CPVL: variants seen among roughly 807,000 people sequenced by gnomAD.
The protein encoded by CPVL is probable serine carboxypeptidase CPVL.
A neutral mutation model predicts 63.7 loss-of-function variants in CPVL; 51 were observed. The observed-to-expected ratio is 0.80, with a 90% CI of 0.64 to 1.01. CPVL has a LOEUF of 1.01. Among genes scored for constraint, CPVL ranks in the 50% least tolerant of loss-of-function variants. CPVL has a pLI of 0.00. For missense variants in CPVL, 530 were observed against 573.1 expected, an observed-to-expected ratio of 0.92 and a Z score of 0.77; for synonymous variants, 195 against 206.0, an observed-to-expected ratio of 0.95 and a Z score of 0.46.
intron 5 of CPVL, among the ~76,000 whole-genome samples, chr7:29,171,934 G>A (rs1429955825): frequency 6.6e-6 from 1 of 152,170 alleles, no homozygotes; most frequent in Non-Finnish European, 1.5e-5. Flanking sequence ...TGACTTTAAA[G>A]AACAATCCAG....
chr7:29,075,891 A>G (rs1422213984), intron 7 of CPVL, among the ~76,000 whole-genome samples: 6 of 151,338 alleles, frequency 4.0e-5, no homozygotes, highest in African/African-American at 1.5e-4. Context: ...AATTATTTTT[A>G]TGGAAAACAG....
chr7:29,136,390 A>G (rs2128664525), intron 1 of CPVL, among the ~76,000 whole-genome samples: 1 of 152,368 alleles, frequency 6.6e-6, no homozygotes, highest in Non-Finnish European at 1.5e-5. Context: ...TTACATAATA[A>G]GGTAAATATT....
chr7:29,116,240 A>G (rs1788768205), intron 2 of CPVL, among the ~76,000 whole-genome samples: 1 of 152,244 alleles, frequency 6.6e-6, no homozygotes, highest in Non-Finnish European at 1.5e-5. Flanking sequence ...AGAAATTTAG[A>G]ACTTTTCTCT....
intron 11 of CPVL, among the ~76,000 whole-genome samples, chr7:29,043,791 A>G (rs1301735771): frequency 6.6e-6 from 1 of 152,172 alleles, no homozygotes; most frequent in African/African-American, 2.4e-5. Context: ...ATCCAACGAA[A>G]AAGCCCTAGG....
intron 6 of CPVL, among the ~76,000 whole-genome samples, chr7:29,092,269 A>C (rs1785894186): frequency 6.6e-6 from 1 of 151,844 alleles, no homozygotes; most frequent in Admixed American, 6.6e-5. Flanking sequence ...AGCCTGGAAA[A>C]GTCATGAAAT....
intron 6 of CPVL, among the ~76,000 whole-genome samples, chr7:29,091,803 G>C (rs6947981): frequency 0.17 from 25,218 of 152,206 alleles, 5,706 homozygotes; most frequent in African/African-American, 0.52. Context: ...GCCTCAGAGA[G>C]AAAGAAAAGT....
chr7:29,124,183 T>C (rs952487020), intron 1 of CPVL, among the ~76,000 whole-genome samples: 2 of 152,156 alleles, frequency 1.3e-5, no homozygotes, highest in Non-Finnish European at 2.9e-5. Context: ...TAAATTAGCA[T>C]GAGTCCTTTT....
At chr7:29,097,185 G>A (rs1033436752) in intron 3 of CPVL, among the ~76,000 whole-genome samples, 10 of 152,086 alleles carry the variant, frequency 6.6e-5, no homozygotes, top group African/African-American at 9.7e-5. Context: ...TTGGCAGGGC[G>A]GTGATGTTGA....
At chr7:29,016,528 T>C (rs1221769764) in intron 12 of CPVL, among the ~76,000 whole-genome samples, 1 of 152,124 alleles carries the variant, frequency 6.6e-6, no homozygotes, top group East Asian at 1.9e-4. Flanking sequence ...TTCCCTTTGG[T>C]TTCCCTAGAT....
In CPVL at chr7:29,092,513, T is replaced by C. The variant is rs533581381; in HGVS notation, c.542+110A>G. 3.8e-5 allele frequency: 26 copies of C among 691,784 alleles called. No individual in the cohort carries two copies. The East Asian group carries it at 6.2e-4, about 16-fold the overall frequency. The allele number at this position is 691,784 out of a possible 1,614,324, so 42.9% of individuals were successfully genotyped here. A position where few individuals can be genotyped will look rare whatever the true frequency, so the allele number is the denominator to read the frequency against. ...AATATCCTTAAATTATCTTCAGGAA[T>C]TGGACTATAAGGCTCAGTCAATAAA... On this transcript the variant is annotated intron_variant, in intron 6 of 12. Transcript: ENST00000265394.
intron 11 of CPVL, among the ~76,000 whole-genome samples, chr7:29,050,743 T>A (rs1446413975): frequency 6.6e-6 from 1 of 151,620 alleles, no homozygotes; most frequent in Non-Finnish European, 1.5e-5. Flanking sequence ...GAAAAGCCAA[T>A]TCTAAAATTC....
chr7:29,052,036 G>A (rs910099373), intron 11 of CPVL, among the ~76,000 whole-genome samples: 2 of 151,736 alleles, frequency 1.3e-5, no homozygotes, highest in South Asian at 2.1e-4. Context: ...ACTATCAAGC[G>A]AAGTAACTCA....
chr7:29,161,190 C>T (rs1277083262), intron 5 of CPVL, among the ~76,000 whole-genome samples: 6 of 152,228 alleles, frequency 3.9e-5, no homozygotes, highest in Non-Finnish European at 8.8e-5. Flanking sequence ...CAACATTAGC[C>T]TTGACCAGGC....
chr7:29,035,555 G>C (rs1039599889), intron 11 of CPVL, among the ~76,000 whole-genome samples: 1 of 152,164 alleles, frequency 6.6e-6, no homozygotes, highest in Non-Finnish European at 1.5e-5. Flanking sequence ...GTGTGTGAGG[G>C]CATTACTCAC....
At chr7:29,141,243 G>A (rs918633729) in intron 1 of CPVL, among the ~76,000 whole-genome samples, 1 of 152,182 alleles carries the variant, frequency 6.6e-6, no homozygotes, top group African/African-American at 2.4e-5. Flanking sequence ...GGTGGGAATA[G>A]CATGAAAGAT....
chr7:29,034,180 C>G (rs2128157291), intron 11 of CPVL, among the ~76,000 whole-genome samples: 1 of 152,334 alleles, frequency 6.6e-6, no homozygotes, highest in Middle Eastern at 3.4e-3. Flanking sequence ...TCTTGGCTCA[C>G]TGCAACCTCC....
intron 3 of CPVL, among the ~76,000 whole-genome samples, chr7:29,112,383 A>G (rs944467722): frequency 2.6e-5 from 4 of 152,124 alleles, no homozygotes; most frequent in Non-Finnish European, 4.4e-5. Flanking sequence ...TCCCTGCCCT[A>G]AGTATTTTTA....
At chr7:29,053,370 G>A (rs1790392121) in intron 11 of CPVL, among the ~76,000 whole-genome samples, 1 of 152,162 alleles carries the variant, frequency 6.6e-6, no homozygotes, top group South Asian at 2.1e-4. Context: ...ATGAATGGAT[G>A]AATAGAATGT....
intron 3 of CPVL, among the ~76,000 whole-genome samples, chr7:29,110,063 C>T (rs1788103496): frequency 1.3e-5 from 2 of 152,228 alleles, no homozygotes; most frequent in South Asian, 4.1e-4. Flanking sequence ...TTGTTTCCAT[C>T]TGATCTCTTC....
Sources: allele counts gnomAD v4.1 joint callset (sites outside exome capture counted in the v4.1 genomes callset), GRCh38; gene constraint gnomAD v4.1.1; transcripts MANE v1.5; gene names NCBI Gene and HGNC (gene_info 2026-07-23, HGNC 2026-07-21).